Variants in TMEM165 observed in about 807,000 individuals in gnomAD.
TMEM165 encodes the protein transmembrane protein 165.
Under a neutral mutation model 30.0 loss-of-function variants are expected in TMEM165, and 19 were observed. That is an observed-to-expected ratio of 0.63 (90% CI 0.44 to 0.93). The LOEUF (loss-of-function observed/expected upper bound fraction) is 0.93. Ranked by LOEUF, TMEM165 falls within the 40% of genes least tolerant of loss-of-function variation. The pLI, the probability that TMEM165 is intolerant of heterozygous loss-of-function variation, is 0.00. For synonymous variants in TMEM165, 168 were observed against 162.9 expected (o/e 1.03, Z -0.24); for missense variants, 340 against 417.0 (o/e 0.82, Z 1.61).
intron 3 of TMEM165, among the ~76,000 whole-genome samples, chr4:55,448,039 T>G (rs1260748447): frequency 6.6e-6 from 1 of 152,210 alleles, no homozygotes; most frequent in Non-Finnish European, 1.5e-5. Flanking sequence ...CCTTCTGGAC[T>G]TAGGCCAAGA....
chr4:55,450,028 T>C, intron 3 of TMEM165: 1 of 1,560,516 alleles, frequency 6.4e-7, no homozygotes, highest in South Asian at 1.1e-5. Context: ...AATGCTGATA[T>C]AAGTAACTAA....
intron 3 of TMEM165, chr4:55,431,910 C>A (rs936052279): frequency 1.3e-5 from 2 of 152,204 alleles, no homozygotes; most frequent in African/African-American, 2.4e-5. Context: ...TTCAACAGTG[C>A]TCTTGATGGA....
chr4:55,400,114 G>C (rs1578226837), intron 1 of TMEM165, among the ~76,000 whole-genome samples: 1 of 133,574 alleles, frequency 7.5e-6, no homozygotes, highest in East Asian at 2.1e-4. Flanking sequence ...CAAAGTGGTG[G>C]GATTACAGGC....
intron 1 of TMEM165, among the ~76,000 whole-genome samples, chr4:55,402,021 G>A (rs1308647335): frequency 1.4e-5 from 2 of 147,390 alleles, no homozygotes; most frequent in Non-Finnish European, 2.9e-5. Flanking sequence ...AGGAGGCTGA[G>A]GCAGGAGAAT....
chr4:55,452,790 T>TTCA, exon 4 of TMEM165: 1 of 277,060 alleles, frequency 3.6e-6, no homozygotes, highest in East Asian at 7.2e-5. Context: ...ATAATTCATA[T>TTCA]AAATAACCTA....
At chr4:55,449,558 T>C (rs1724241316) in intron 3 of TMEM165, 1 of 1,351,486 alleles carries the variant, frequency 7.4e-7, no homozygotes, top group African/African-American at 1.5e-5. Flanking sequence ...TAAAGATTAA[T>C]CTCAAAATGT....
chr4:55,402,969 T>C (rs1344130656), intron 1 of TMEM165, among the ~76,000 whole-genome samples: 2 of 151,574 alleles, frequency 1.3e-5, no homozygotes, highest in East Asian at 3.9e-4. Flanking sequence ...TTTTTGTATT[T>C]TTAGTAGAGA....
At position 55,442,079 on chromosome 4, in the gene TMEM165, C is replaced by A. The variant is rs542613301; in HGVS notation, c.409-10160C>A. On this transcript the variant is annotated intron_variant, in intron 3 of 3. Coordinates refer to the TMEM165 transcript ENST00000608091. ...AACAAACTTAAAAAAGGTAAGCTACCCTAACCACTGTTACTACATGGAAAT... is the reference window on the plus strand; with the variant it reads ...AACAAACTTAAAAAAGGTAAGCTACACTAACCACTGTTACTACATGGAAAT... Among the ~76,000 whole-genome samples the A allele has an allele frequency of 9.0e-4, 137 of 152,024 alleles. 5 individuals carry two copies. In the South Asian group the frequency reaches 0.028, roughly 31 times the overall value.
chr4:55,407,038 G>T (rs994810983), intron 1 of TMEM165, among the ~76,000 whole-genome samples: 1 of 152,174 alleles, frequency 6.6e-6, no homozygotes, highest in African/African-American at 2.4e-5. Flanking sequence ...TCAATTCCTT[G>T]AGTGTTTCTG....
chr4:55,452,383 C>T (rs1724543307), exon 4 of TMEM165: 1 of 152,458 alleles, frequency 6.6e-6, no homozygotes, highest in Non-Finnish European at 1.5e-5. Flanking sequence ...CCAGCAACCA[C>T]TAAGTGAGGT....
At chr4:55,448,601 CGTGTGTGTGTGTGTGT>C (rs3034980) in intron 3 of TMEM165, among the ~76,000 whole-genome samples, 7,407 of 117,032 alleles carry the variant, frequency 0.063, 226 homozygotes, top group African/African-American at 0.096. Flanking sequence ...CGCACGCGCG[CGTGTGTGTGTGTGTGT>C]GTGTGTGTGT....
chr4:55,444,728 G>A (rs1248972337), intron 3 of TMEM165: 12 of 1,613,960 alleles, frequency 7.4e-6, no homozygotes, highest in East Asian at 2.2e-5. Flanking sequence ...ATGCGTGTCC[G>A]TTGTTCCAAT....
chr4:55,435,663 A>T (rs1722821469), intron 3 of TMEM165: 1 of 1,488,110 alleles, frequency 6.7e-7, no homozygotes, highest in Non-Finnish European at 9.4e-7. Flanking sequence ...AGTTACTCAC[A>T]CTCTCCCCTG....
intron 3 of TMEM165, among the ~76,000 whole-genome samples, chr4:55,449,198 T>C (rs1235152504): frequency 6.6e-6 from 1 of 152,040 alleles, no homozygotes; most frequent in Admixed American, 6.6e-5. Flanking sequence ...ACATTTTACT[T>C]GAAAAATAAT....
At chr4:55,430,923 T>C (rs2109593048), downstream of TMEM165, 1 of 152,260 alleles carries the variant, frequency 6.6e-6, no homozygotes, top group East Asian at 1.9e-4. Context: ...AAAACAAAAA[T>C]CAAAGTTCAT....
intron 1 of TMEM165, among the ~76,000 whole-genome samples, chr4:55,410,466 G>A (rs1721444021): frequency 6.6e-6 from 1 of 152,160 alleles, no homozygotes; most frequent in African/African-American, 2.4e-5. Flanking sequence ...ATTGTGCAAT[G>A]GGCGCAGTCT....
chr4:55,451,399 C>A (rs930089694), intron 3 of TMEM165, among the ~76,000 whole-genome samples: 2 of 152,142 alleles, frequency 1.3e-5, no homozygotes, highest in African/African-American at 4.8e-5. Flanking sequence ...TATTACCCCC[C>A]TGTTGTTGAT....
chr4:55,420,131 T>A (rs2056463), intron 4 of TMEM165, among the ~76,000 whole-genome samples: 25,143 of 47,654 alleles, frequency 0.53, 8,197 homozygotes, highest in East Asian at 0.85. Context: ...ACATATATAT[T>A]TATTTATTTA....
At chr4:55,412,037 C>A in intron 2 of TMEM165, 198 bp downstream of exon 2, 1 of 627,102 alleles carries the variant, frequency 1.6e-6, no homozygotes. Context: ...GCATAGTTGT[C>A]TGAAATTTTT....
Sources: gnomAD v4.1 joint callset for allele counts (sites outside exome capture counted in the v4.1 genomes callset) on GRCh38, gnomAD v4.1.1 for gene constraint, MANE v1.5 for transcripts, NCBI Gene and HGNC (gene_info 2026-07-23, HGNC 2026-07-21) for gene names.